Variants in PRKAG2 observed in about 807,000 individuals in gnomAD.
PRKAG2 encodes protein kinase AMP-activated non-catalytic subunit gamma 2.
PRKAG2 carries 26 observed loss-of-function variants against 69.6 expected under a neutral mutation model. The observed-to-expected ratio is 0.37, with a 90% CI of 0.27 to 0.52. PRKAG2 has a LOEUF of 0.52. Among genes scored for constraint, PRKAG2 ranks in the 20% least tolerant of loss-of-function variants. The probability of loss-of-function intolerance (pLI) is 0.90; values close to 1 mark genes in which losing one functional copy is unlikely to be tolerated. For missense variants in PRKAG2, 557 were observed against 740.0 expected (o/e 0.75, Z 2.87); for synonymous variants, 293 against 285.0 (o/e 1.03, Z -0.28).
chr7:151,860,431 T>G lies in PRKAG2; in HGVS notation c.114+16076A>C, dbSNP rs571574121. 9.2e-5 allele frequency among the ~76,000 whole-genome samples: 14 copies of G among 152,246 alleles called. No individual in the cohort carries two copies. The South Asian group carries it at 2.9e-3, about 32-fold the overall frequency. ...TCCCTGGCATCCACGCCTGTACTGGTGGACAATCAGAGACACGCACTGATG... is the reference window on the plus strand; with the variant it reads ...TCCCTGGCATCCACGCCTGTACTGGGGGACAATCAGAGACACGCACTGATG... On this transcript the variant is annotated intron_variant, in intron 1 of 15. Transcript: ENST00000287878.
At chr7:151,858,497 G>C (rs2079840231) in intron 1 of PRKAG2, among the ~76,000 whole-genome samples, 1 of 152,178 alleles carries the variant, frequency 6.6e-6, no homozygotes, top group Non-Finnish European at 1.5e-5. Context: ...AAGCCTCAGT[G>C]GATAGTTAAA....
At chr7:151,683,777 T>G (rs889650669) in intron 3 of PRKAG2, among the ~76,000 whole-genome samples, 2 of 151,914 alleles carry the variant, frequency 1.3e-5, no homozygotes, top group African/African-American at 4.8e-5. Flanking sequence ...CTGTGCTGAG[T>G]AGCTGTAGCA....
At chr7:151,607,526 A>G (rs1279064051) in intron 5 of PRKAG2, among the ~76,000 whole-genome samples, 1 of 151,974 alleles carries the variant, frequency 6.6e-6, no homozygotes, top group African/African-American at 2.4e-5. Flanking sequence ...TCAGCCTTCC[A>G]AAGCACTGTG....
At position 151,681,091 on chromosome 7, in the gene PRKAG2, C is replaced by T. The variant is rs368774798; in HGVS notation, c.467-5454G>A. 6.6e-5 allele frequency among the ~76,000 whole-genome samples: 10 copies of T among 152,312 alleles called. No individual in the cohort carries two copies. In the East Asian group the frequency reaches 1.2e-3, roughly 18 times the overall value. On this transcript the variant is annotated intron_variant, in intron 3 of 15. Transcript: ENST00000287878. ...TCTTAAGAGCACAAACCACGGTGTC[C>T]GCTCCTCCCATGGCCCTGTCCCCTT...
chr7:151,853,043 G>C (rs1026031064), intron 1 of PRKAG2, among the ~76,000 whole-genome samples: 1 of 152,230 alleles, frequency 6.6e-6, no homozygotes, highest in African/African-American at 2.4e-5. Context: ...AGGATTCCAA[G>C]GGTAAACCTA....
intron 3 of PRKAG2, among the ~76,000 whole-genome samples, chr7:151,776,727 G>T (rs7809589): frequency 0.24 from 35,999 of 152,238 alleles, 4,982 homozygotes; most frequent in Admixed American, 0.36. Flanking sequence ...AGGCCCAGCC[G>T]GGGCAGTGCA....
chr7:151,739,235 G>C (rs1043233109), intron 3 of PRKAG2, among the ~76,000 whole-genome samples: 1 of 152,220 alleles, frequency 6.6e-6, no homozygotes, highest in Non-Finnish European at 1.5e-5. Context: ...TTAAAGATGT[G>C]TAAGTGTGCT....
At chr7:151,728,725 C>T (rs1289439114) in intron 3 of PRKAG2, among the ~76,000 whole-genome samples, 1 of 152,180 alleles carries the variant, frequency 6.6e-6, no homozygotes, top group Non-Finnish European at 1.5e-5. Flanking sequence ...CAGAGGGCGG[C>T]TGCTCCCAGA....
At chr7:151,865,712 A>C (rs1051164268) in intron 1 of PRKAG2, among the ~76,000 whole-genome samples, 2 of 152,240 alleles carry the variant, frequency 1.3e-5, no homozygotes, top group African/African-American at 4.8e-5. Context: ...AGAACCAGAG[A>C]CTGGAACCTA....
intron 3 of PRKAG2, among the ~76,000 whole-genome samples, chr7:151,773,304 T>C (rs1272030140): frequency 6.6e-6 from 1 of 152,134 alleles, no homozygotes; most frequent in Non-Finnish European, 1.5e-5. Flanking sequence ...GAGCCACTTT[T>C]ATCTATTTTT....
At chr7:151,639,292 C>T (rs957541539) in intron 4 of PRKAG2, among the ~76,000 whole-genome samples, 1 of 152,196 alleles carries the variant, frequency 6.6e-6, no homozygotes, top group African/African-American at 2.4e-5. Context: ...TCAGGGTTGG[C>T]CAGCCGGGCA....
intron 4 of PRKAG2, among the ~76,000 whole-genome samples, chr7:151,642,136 C>T (rs951890036): frequency 2.3e-4 from 34 of 151,018 alleles, no homozygotes; most frequent in Middle Eastern, 3.4e-3. Context: ...GAGATCGAGA[C>T]CATCCTGGCT....
intron 3 of PRKAG2, among the ~76,000 whole-genome samples, chr7:151,773,890 A>T (rs1224625367): frequency 6.6e-6 from 1 of 152,186 alleles, no homozygotes; most frequent in Non-Finnish European, 1.5e-5. Flanking sequence ...TTTGTAGGCC[A>T]TGGGGTCTCT....
At chr7:151,651,498 T>C (rs1585506000) in intron 4 of PRKAG2, among the ~76,000 whole-genome samples, 1 of 152,250 alleles carries the variant, frequency 6.6e-6, no homozygotes, top group East Asian at 1.9e-4. Flanking sequence ...TCCCAGCTGT[T>C]CGAGAGGCTG....
intron 4 of PRKAG2, among the ~76,000 whole-genome samples, chr7:151,661,166 CT>C (rs1830255619): frequency 6.6e-6 from 1 of 152,164 alleles, no homozygotes; most frequent in Non-Finnish European, 1.5e-5. Flanking sequence ...AGCCATGGGC[CT>C]TTCACTGTCT....
chr7:151,639,327 G>A (rs924943148), intron 4 of PRKAG2, among the ~76,000 whole-genome samples: 2 of 152,140 alleles, frequency 1.3e-5, no homozygotes, highest in African/African-American at 2.4e-5. Context: ...AGTCTTGCCC[G>A]CTTTCCAGTC....
At chr7:151,844,876 T>C (rs1382851955) in intron 1 of PRKAG2, among the ~76,000 whole-genome samples, 4 of 151,486 alleles carry the variant, frequency 2.6e-5, no homozygotes. Context: ...CATACATATA[T>C]TCCCTCTTGG....
intron 15 of PRKAG2, chr7:151,559,473 A>T (rs1804446839): frequency 1.0e-6 from 1 of 984,518 alleles, no homozygotes; most frequent in Non-Finnish European, 1.2e-6. Context: ...CGGGGCCCCA[A>T]CATGAACATT....
chr7:151,793,923 G>T (rs549165360), intron 1 of PRKAG2, among the ~76,000 whole-genome samples: 17 of 152,362 alleles, frequency 1.1e-4, no homozygotes, highest in African/African-American at 3.8e-4. Context: ...AATCCGGGAA[G>T]GCCTAAGCTC....
Sources: gnomAD v4.1 joint callset for allele counts (sites outside exome capture counted in the v4.1 genomes callset) on GRCh38, gnomAD v4.1.1 for gene constraint, MANE v1.5 for transcripts, NCBI Gene and HGNC (gene_info 2026-07-23, HGNC 2026-07-21) for gene names.